The following JAZF1 variants were observed in gnomAD, a reference collection of about 807,000 sequenced individuals.
The protein encoded by JAZF1 is JAZF zinc finger 1.
Under a neutral mutation model 26.4 loss-of-function variants are expected in JAZF1, and 8 were observed. The observed-to-expected ratio is 0.30, with a 90% CI of 0.18 to 0.55. The LOEUF (loss-of-function observed/expected upper bound fraction) is 0.55, where lower values mean the gene tolerates loss of function less well. JAZF1 is among the 20% of genes least tolerant of loss of function. The pLI is 0.94. For missense variants in JAZF1, 199 were observed against 322.0 expected, an observed-to-expected ratio of 0.62 and a Z score of 2.92; for synonymous variants, 126 against 122.3, an observed-to-expected ratio of 1.03 and a Z score of -0.20.
intron 1 of JAZF1, among the ~76,000 whole-genome samples, chr7:28,067,397 A>C (rs1562576153): frequency 6.6e-6 from 1 of 152,168 alleles, no homozygotes; most frequent in Non-Finnish European, 1.5e-5. Context: ...TCCCCAAAGG[A>C]ATCCCTTGCT....
chr7:27,912,256 G>A (rs532112607), intron 2 of JAZF1, among the ~76,000 whole-genome samples: 1 of 152,306 alleles, frequency 6.6e-6, no homozygotes, highest in East Asian at 1.9e-4. Flanking sequence ...ACTTCTTTCA[G>A]TTGCCTGGGG....
chr7:27,933,438 G>A (rs922251374), intron 2 of JAZF1, among the ~76,000 whole-genome samples: 5 of 152,114 alleles, frequency 3.3e-5, no homozygotes, highest in African/African-American at 2.4e-5. Context: ...TCCTTCCTAG[G>A]CCCTCCTTTG....
intron 2 of JAZF1, among the ~76,000 whole-genome samples, chr7:27,908,919 T>C (rs953395429): frequency 6.6e-6 from 1 of 152,256 alleles, no homozygotes; most frequent in Non-Finnish European, 1.5e-5. Flanking sequence ...CAAGTTTAGT[T>C]TTCCCTGTTA....
intron 2 of JAZF1, among the ~76,000 whole-genome samples, chr7:27,938,403 T>C (rs1262243389): frequency 2.6e-5 from 4 of 152,358 alleles, no homozygotes; most frequent in Admixed American, 6.5e-5. Context: ...TGAAAATCTG[T>C]TTCTCTGTCC....
At chr7:28,159,669 G>C (rs113492127) in intron 1 of JAZF1, among the ~76,000 whole-genome samples, 5,944 of 152,196 alleles carry the variant, frequency 0.039, 353 homozygotes, top group African/African-American at 0.13. Context: ...AGGCAGGGAG[G>C]CCCAGGAGGA....
At chr7:27,849,182 G>A (rs1334219154) in intron 3 of JAZF1, among the ~76,000 whole-genome samples, 1 of 152,202 alleles carries the variant, frequency 6.6e-6, no homozygotes, top group Non-Finnish European at 1.5e-5. Flanking sequence ...CCTGGAGACG[G>A]GCTGCAGGGA....
intron 1 of JAZF1, chr7:28,020,923 A>G (rs1782996262): frequency 3.2e-6 from 1 of 315,076 alleles, no homozygotes; most frequent in South Asian, 2.8e-5. Flanking sequence ...CAGGAAATAG[A>G]AAAGTAACCT....
At chr7:28,179,969 G>C (rs866696123) in intron 1 of JAZF1, among the ~76,000 whole-genome samples, 3 of 115,980 alleles carry the variant, frequency 2.6e-5, no homozygotes, top group Admixed American at 1.1e-4. Context: ...CTGACAGCTC[G>C]AGCCGGGGCG....
Position 27,963,920 on chromosome 7 carries a change from A to G in JAZF1, c.188+27989T>C, listed in dbSNP as rs552641889. ...GATTGAAGATTAAAGGGCTGGATGT[A>G]AGCAGCACTTTCTTTTAACACAATT... On this transcript the variant is annotated intron_variant, in intron 2 of 4. Transcript: ENST00000283928. Among the ~76,000 whole-genome samples the G allele has an allele frequency of 3.3e-5, 5 of 152,274 alleles. No individual in the cohort carries two copies. In the South Asian group the frequency reaches 1.0e-3, roughly 32 times the overall value.
chr7:28,060,400 T>C (rs1038423477), intron 1 of JAZF1, among the ~76,000 whole-genome samples: 1 of 152,246 alleles, frequency 6.6e-6, no homozygotes, highest in Non-Finnish European at 1.5e-5. Flanking sequence ...TAATGTATTT[T>C]AGGAATTCTG....
chr7:28,027,552 GC>G (rs1562563558), intron 1 of JAZF1, among the ~76,000 whole-genome samples: 1 of 152,136 alleles, frequency 6.6e-6, no homozygotes, highest in Non-Finnish European at 1.5e-5. Flanking sequence ...TAGACTCCAT[GC>G]CAAGGCTTCT....
intron 4 of JAZF1, 88 bp from the exon 5 acceptor site, chr7:27,833,064 TC>T: frequency 1.9e-6 from 2 of 1,030,740 alleles, no homozygotes; most frequent in Non-Finnish European, 2.8e-6. Flanking sequence ...GGATTGCAGT[TC>T]CTGGATGGCA....
intron 1 of JAZF1, among the ~76,000 whole-genome samples, chr7:28,011,943 T>A (rs1224499358): frequency 1.3e-5 from 2 of 152,218 alleles, no homozygotes; most frequent in East Asian, 3.8e-4. Context: ...CAGTTGAGTT[T>A]ATTTTTTAAA....
chr7:28,118,505 GA>G (rs1003549106), intron 1 of JAZF1, among the ~76,000 whole-genome samples: 1 of 151,432 alleles, frequency 6.6e-6, no homozygotes, highest in Non-Finnish European at 1.5e-5. Context: ...TGTCTCAAAA[GA>G]AAAAAAAGAG....
intron 2 of JAZF1, among the ~76,000 whole-genome samples, chr7:27,978,205 T>G (rs897092970): frequency 1.3e-5 from 2 of 152,216 alleles, no homozygotes; most frequent in African/African-American, 2.4e-5. Flanking sequence ...CAATAAATAC[T>G]TATTGAGAGT....
intron 1 of JAZF1, among the ~76,000 whole-genome samples, chr7:28,096,598 TAAAAC>T (rs1466661325): frequency 2.0e-5 from 3 of 152,368 alleles, no homozygotes; most frequent in South Asian, 2.1e-4. Context: ...GAAAAATTCA[TAAAAC>T]AGAACTGCAG....
At chr7:27,926,292 C>T (rs1784600031) in intron 2 of JAZF1, among the ~76,000 whole-genome samples, 1 of 152,182 alleles carries the variant, frequency 6.6e-6, no homozygotes, top group Non-Finnish European at 1.5e-5. Flanking sequence ...ATAAATGGAC[C>T]TGCAAACCCC....
chr7:28,174,559 T>C (rs946684174), intron 1 of JAZF1, among the ~76,000 whole-genome samples: 1 of 152,248 alleles, frequency 6.6e-6, no homozygotes, highest in South Asian at 2.1e-4. Flanking sequence ...ATGTGGGTTT[T>C]TGTCAACCCA....
intron 2 of JAZF1, among the ~76,000 whole-genome samples, chr7:27,932,031 C>T (rs950673620): frequency 2.0e-5 from 3 of 152,132 alleles, no homozygotes; most frequent in Non-Finnish European, 4.4e-5. Context: ...AGCAGGAACT[C>T]GTTTGATAAA....
Sources: gnomAD v4.1 joint callset for allele counts (sites outside exome capture counted in the v4.1 genomes callset) on GRCh38, gnomAD v4.1.1 for gene constraint, MANE v1.5 for transcripts, NCBI Gene and HGNC (gene_info 2026-07-23, HGNC 2026-07-21) for gene names.